Variants in KPNB1 observed in about 807,000 individuals in gnomAD.
The protein encoded by KPNB1 is importin subunit beta-1.
A neutral mutation model predicts 113.0 loss-of-function variants in KPNB1; 7 were observed. That is an observed-to-expected ratio of 0.06 (90% CI 0.04 to 0.12). The LOEUF is 0.12. Ranked by LOEUF, KPNB1 falls within the 10% of genes least tolerant of loss-of-function variation. The pLI is 1.00. For synonymous variants in KPNB1, 363 were observed against 378.6 expected (o/e 0.96, Z 0.48); for missense variants, 400 against 1,054.8 (o/e 0.38, Z 8.60).
chr17:47,668,396 C>A lies in KPNB1; in HGVS notation c.1210C>A (p.Pro404Thr). The A allele has an allele frequency of 1.9e-6, 3 of 1,613,966 alleles. No homozygotes were observed. The highest frequency in any genetic ancestry group is 2.5e-6 in the Non-Finnish European group (3 of 1,179,834). ...LEGPEPSQLKPLVIQAMPTLI... is the reference protein window; with the variant it reads ...LEGPEPSQLKTLVIQAMPTLI... Reference sequence around the variant, plus strand: ...AGGACCAGAGCCCAGTCAGCTCAAACCACTAGTTATACAGGTGAAACTGAG... The same window carrying A: ...AGGACCAGAGCCCAGTCAGCTCAAAACACTAGTTATACAGGTGAAACTGAG... The change falls in exon 10 of 22, where the codon CCA becomes ACA. Residue 404 changes from proline to threonine, a missense_variant. This residue lies in a region of KPNB1 where 285 missense variants were observed against 627.0 expected (regional missense o/e 0.45). Coordinates refer to ENST00000290158, the MANE Select transcript of KPNB1 (RefSeq NM_002265.6).
At chr17:47,661,826 G>C (rs1427771769) in intron 6 of KPNB1, among the ~76,000 whole-genome samples, 4 of 152,006 alleles carry the variant, frequency 2.6e-5, no homozygotes, top group Non-Finnish European at 5.9e-5. Context: ...AGGGAGAAAA[G>C]GTTTTCGATC....
intron 2 of KPNB1, chr17:47,651,250 A>G (rs1201058918): frequency 2.0e-6 from 2 of 985,242 alleles, no homozygotes; most frequent in Admixed American, 6.2e-5. Flanking sequence ...GGTCCTTTGT[A>G]TAAAAATGTG....
intron 15 of KPNB1, among the ~76,000 whole-genome samples, chr17:47,676,138 AC>A (rs2030609201): frequency 6.6e-6 from 1 of 152,118 alleles, no homozygotes; most frequent in East Asian, 1.9e-4. Context: ...TGAGGGTCAT[AC>A]CACTTGGTTG....
rs941152293 is a variant in KPNB1, at chr17:47,683,504, G to A, written c.*1100G>A. On this transcript the variant is annotated 3_prime_UTR_variant, in exon 22 of 22. Transcript: ENST00000290158. ...AACGCCCCCAGAAAATTGTGCCAAA[G>A]AGTTTAGAAAAATAAATATACAATA... The A allele has an allele frequency of 6.6e-6, 1 of 152,474 alleles. No homozygotes were observed. The highest frequency in any genetic ancestry group is 1.5e-5 in the Non-Finnish European group (1 of 68,014). The allele number at this position is 152,474 out of a possible 1,614,324, so 9.4% of individuals were successfully genotyped here.
chr17:47,681,619 G>C (rs2030779715), intron 21 of KPNB1, among the ~76,000 whole-genome samples: 1 of 150,638 alleles, frequency 6.6e-6, no homozygotes, highest in African/African-American at 2.4e-5. Flanking sequence ...TGTTTGCCAG[G>C]CTGGTCTTGA....
intron 2 of KPNB1, chr17:47,651,119 C>T (rs1427663631): frequency 4.7e-6 from 3 of 634,148 alleles, no homozygotes; most frequent in Non-Finnish European, 3.9e-6. Context: ...AGAAAACAGA[C>T]TGAGGCTCAT....
chr17:47,675,361 G>GTTTTTGGTTTTTTTTTTTTT (rs2030568124), intron 15 of KPNB1, among the ~76,000 whole-genome samples: 1 of 88,692 alleles, frequency 1.1e-5, no homozygotes, highest in African/African-American at 4.6e-5. Context: ...CAGAGGTGTT[G>GTTTTTGGTTTTTTTTTTTTT]TTTTTTTTTT....
intron 21 of KPNB1, among the ~76,000 whole-genome samples, chr17:47,681,265 CTT>C (rs535906429): frequency 2.4e-5 from 3 of 122,680 alleles, no homozygotes; most frequent in Non-Finnish European, 3.5e-5. Flanking sequence ...TTTTCTTCTT[CTT>C]TTTTTTTTTT....
intron 17 of KPNB1, among the ~76,000 whole-genome samples, chr17:47,677,557 T>A (rs749371411): frequency 1.6e-4 from 24 of 151,834 alleles, no homozygotes; most frequent in Non-Finnish European, 3.2e-4. Flanking sequence ...AGAGGGGAGT[T>A]GTTCATTTCA....
At chr17:47,663,595 C>T (rs1021801580) in intron 7 of KPNB1, among the ~76,000 whole-genome samples, 7 of 152,008 alleles carry the variant, frequency 4.6e-5, no homozygotes, top group South Asian at 2.1e-4. Context: ...ACCCAGGAGA[C>T]GGAGGGTGCA....
intron 15 of KPNB1, 83 bp downstream of exon 15, chr17:47,674,865 G>A: frequency 2.9e-6 from 4 of 1,397,214 alleles, no homozygotes; most frequent in Non-Finnish European, 3.9e-6. Context: ...CACCCAGGCT[G>A]GAGTGCAGTG....
At chr17:47,673,444 A>C in intron 13 of KPNB1, 46 bp from the exon 14 acceptor site, 1 of 1,493,680 alleles carries the variant, frequency 6.7e-7, no homozygotes, top group Non-Finnish European at 9.3e-7. Context: ...TCCCAGCAAA[A>C]GTGGAAGGTT....
rs898195273 is a variant in KPNB1 at position 47,668,080 on chromosome 17, T to G, written c.1000-106T>G. The G allele has an allele frequency of 2.5e-4, 197 of 792,572 alleles. 1 individual carries two copies. The highest frequency in any genetic ancestry group is 3.7e-4 in the Middle Eastern group (1 of 2,676). 49.1% of individuals were successfully genotyped at this position (792,572 alleles called of 1,614,324 possible). On this transcript the variant is annotated intron_variant, in intron 9 of 21. Transcript: ENST00000290158. ...AAATATAAAGGTCTTATATTTTATT[T>G]CCCTGGAGTTTAAGTTCTAAAGACA...
chr17:47,656,585 C>G (rs978022778), intron 3 of KPNB1, among the ~76,000 whole-genome samples: 8 of 148,448 alleles, frequency 5.4e-5, no homozygotes, highest in Non-Finnish European at 1.2e-4. Flanking sequence ...GATGCCCTGT[C>G]TCAACAAAAG....
In KPNB1 at chr17:47,685,089, A is replaced by G. The variant is rs2030903247; in HGVS notation, c.*2685A>G. 1 of 152,190 alleles carries G rather than the reference A, an allele frequency of 6.6e-6. No individual in the cohort carries two copies. Among genetic ancestry groups the G allele is most frequent in the Non-Finnish European group, 1.5e-5 (1 of 68,036 alleles). The allele number at this position is 152,190 out of a possible 1,614,324, so 9.4% of individuals were successfully genotyped here. On this transcript the variant is annotated 3_prime_UTR_variant, in exon 22 of 22. Coordinates refer to ENST00000290158, the MANE Select transcript of KPNB1 (RefSeq NM_002265.6). Reference sequence around the variant, plus strand: ...TTTGCCACAAGTGGCAGCTGCCTGTATCAATTACATTTATTAATTTTGCTT... The same window carrying G: ...TTTGCCACAAGTGGCAGCTGCCTGTGTCAATTACATTTATTAATTTTGCTT...
At chr17:47,677,260 G>A (rs2030640502) in intron 17 of KPNB1, 133 bp downstream of exon 17, 2 of 681,808 alleles carry the variant, frequency 2.9e-6, no homozygotes, top group Non-Finnish European at 5.0e-6. Context: ...AGGCAGGCCA[G>A]GAGTTCGAGA....
rs1915483649 is a variant in KPNB1, at chr17:47,650,097, G to A, written c.-148G>A. 11 of 1,397,702 alleles carry A rather than the reference G, an allele frequency of 7.9e-6. No homozygotes were observed. The highest frequency in any genetic ancestry group is 6.3e-5 in the Admixed American group (2 of 31,780). The allele number at this position is 1,397,702 out of a possible 1,614,324, so 86.6% of individuals were successfully genotyped here. On this transcript the variant is annotated 5_prime_UTR_variant, in exon 1 of 22. Transcript: ENST00000290158. ...GGGAGCCGGACCGACTACCCAGACA[G>A]AGCCGGTGAATGGGTTTGTGGTGAC...
intron 5 of KPNB1, 103 bp downstream of exon 5, chr17:47,658,763 C>A: frequency 1.1e-6 from 1 of 943,328 alleles, no homozygotes; most frequent in Non-Finnish European, 1.6e-6. Flanking sequence ...TTAGAAAGTA[C>A]CACCTACTTA....
At position 47,679,891 on chromosome 17, in the gene KPNB1, G is replaced by T. The variant is rs2030721743; in HGVS notation, c.2354-129G>T. Reference sequence around the variant, plus strand: ...TTTTTGTATTTTTAGTAGAGACGGGGTTTCACCGAGTTAGCCAGGATGGTC... The same window carrying T: ...TTTTTGTATTTTTAGTAGAGACGGGTTTTCACCGAGTTAGCCAGGATGGTC... On this transcript the variant is annotated intron_variant, in intron 19 of 21. Coordinates refer to ENST00000290158, the MANE Select transcript of KPNB1 (RefSeq NM_002265.6). 6.3e-6 allele frequency: 4 copies of T among 630,424 alleles called. No individual in the cohort carries two copies. The Admixed American group carries it at 1.0e-4, about 16-fold the overall frequency. 39.1% of individuals were successfully genotyped at this position (630,424 alleles called of 1,614,324 possible).
Sources: allele counts gnomAD v4.1 joint callset (sites outside exome capture counted in the v4.1 genomes callset), GRCh38; gene constraint gnomAD v4.1.1; regional missense constraint gnomAD v4.1.1; transcripts MANE v1.5; gene names NCBI Gene and HGNC (gene_info 2026-07-23, HGNC 2026-07-21).